The following CCNT1 variants were observed in gnomAD, a reference collection of about 807,000 sequenced individuals.
CCNT1 encodes cyclin-T1.
CCNT1 carries 18 observed loss-of-function variants against 67.3 expected under a neutral mutation model. The ratio of observed to expected loss-of-function variants is 0.27; its 90% confidence interval spans 0.18 to 0.40. CCNT1 has a LOEUF of 0.40. CCNT1 is among the 10% of genes least tolerant of loss of function. CCNT1 has a pLI of 1.00. For synonymous variants in CCNT1, 333 were observed against 310.3 expected (o/e 1.07, Z -0.77); for missense variants, 744 against 884.9 (o/e 0.84, Z 2.02).
Position 48,694,238 on chromosome 12 carries a change from C to T in CCNT1, c.976G>A (p.Val326Met), listed in dbSNP as rs1592117644. 1 of 1,614,222 alleles carries T rather than the reference C, an allele frequency of 6.2e-7. No individual in the cohort carries two copies. ...CAACGCTTGCCCGGCAACATCTCCACACTGGTTAAGTTGCTGGATGACTCT... is the reference window on the plus strand; with the variant it reads ...CAACGCTTGCCCGGCAACATCTCCATACTGGTTAAGTTGCTGGATGACTCT... Reference protein sequence around the residue: ...SEESSSNLTSVEMLPGKRWLS... With the variant: ...SEESSSNLTSMEMLPGKRWLS... The change falls in exon 9 of 9, where the codon GTG (valine) becomes ATG (methionine). Residue 326 changes from valine to methionine, a missense_variant. Transcript: ENST00000261900.
chr12:48,704,409 C>T (rs1448315651), intron 3 of CCNT1, among the ~76,000 whole-genome samples: 3 of 152,228 alleles, frequency 2.0e-5, no homozygotes, highest in Non-Finnish European at 4.4e-5. Context: ...CTGTGGTGAA[C>T]TGCCCATGCA....
chr12:48,715,963 A>C (rs1399480171), intron 1 of CCNT1, among the ~76,000 whole-genome samples: 1 of 152,220 alleles, frequency 6.6e-6, no homozygotes, highest in Non-Finnish European at 1.5e-5. Context: ...ACAGAATCAA[A>C]CACAAGAGGT....
chr12:48,693,311 G>A lies in CCNT1; in HGVS notation c.1903C>T (p.Pro635Ser), dbSNP rs762133213. ...GGCCCTTTATCCAGTTTCGAATGAG[G>A]GACACGAGTTTTACAGCTGGGCTGT... ...FSQPSCKTRV[P>S]HSKLDKGPTG... Residue 635 changes from proline to serine, a missense_variant, in exon 9 of 9, where the codon CCT (proline) becomes TCT (serine). Coordinates refer to ENST00000261900, the MANE Select transcript of CCNT1 (RefSeq NM_001240.4). The A allele has an allele frequency of 1.9e-6, 3 of 1,614,096 alleles. No homozygotes were observed. Among genetic ancestry groups the A allele is most frequent in the East Asian group, 4.5e-5 (2 of 44,892 alleles).
At chr12:48,697,530 AAAAAATATATATATAT>A (rs974118041) in intron 6 of CCNT1, among the ~76,000 whole-genome samples, 4 of 118,514 alleles carry the variant, frequency 3.4e-5, no homozygotes, top group African/African-American at 1.3e-4. Context: ...CTTAAAAAAA[AAAAAATATATATATAT>A]ATATATATAT....
chr12:48,711,288 G>A (rs1482657799), intron 2 of CCNT1, among the ~76,000 whole-genome samples: 1 of 151,872 alleles, frequency 6.6e-6, no homozygotes, highest in African/African-American at 2.4e-5. Context: ...GTTGAGACAG[G>A]AGAATCGCTT....
intron 5 of CCNT1, among the ~76,000 whole-genome samples, chr12:48,698,794 C>T (rs556082189): frequency 6.6e-6 from 1 of 152,140 alleles, no homozygotes; most frequent in South Asian, 2.1e-4. Flanking sequence ...CCCGTCTCTA[C>T]TAAAAATAAA....
chr12:48,701,905 C>CT (rs1479366514), intron 3 of CCNT1, among the ~76,000 whole-genome samples: 15 of 148,524 alleles, frequency 1.0e-4, no homozygotes, highest in East Asian at 6.1e-4. Flanking sequence ...CGCACCCGGC[C>CT]TTTTTTTTTG....
chr12:48,706,474 C>A (rs934234386), intron 2 of CCNT1, among the ~76,000 whole-genome samples: 1 of 152,018 alleles, frequency 6.6e-6, no homozygotes, highest in Non-Finnish European at 1.5e-5. Flanking sequence ...TTATACATAT[C>A]GAACCTTTCA....
chr12:48,702,600 TGG>T (rs1363352585), intron 3 of CCNT1, among the ~76,000 whole-genome samples: 4 of 152,136 alleles, frequency 2.6e-5, no homozygotes, highest in Non-Finnish European at 4.4e-5. Context: ...CTGGCCAATA[TGG>T]TGAAACCCTG....
In CCNT1 at chr12:48,696,054, G is replaced by A. The variant is rs373272971; in HGVS notation, c.651C>T (p.Asp217=). 6.8e-5 allele frequency: 109 copies of A among 1,613,752 alleles called. 1 individual carries two copies. Among genetic ancestry groups the A allele is most frequent in the East Asian group, 6.7e-5 (3 of 44,896 alleles). The part of the protein sequence containing the change: ...WSNWEIPVST[D]GKHWWEYVDA... ...CAACATACTCCCACCAGTGCTTCCC[G>A]TCAGTTGAGACTGGGATCTCCCAAT... The change falls in exon 7 of 9, where the codon GAC becomes GAT. Residue 217 remains aspartate (D), a synonymous_variant. Transcript: ENST00000261900.
intron 6 of CCNT1, among the ~76,000 whole-genome samples, chr12:48,696,946 C>G (rs1940178485): frequency 6.6e-6 from 1 of 152,106 alleles, no homozygotes; most frequent in Non-Finnish European, 1.5e-5. Flanking sequence ...AATTCTCGTG[C>G]CTCAGCCTCC....
intron 1 of CCNT1, among the ~76,000 whole-genome samples, chr12:48,715,665 G>T (rs1280431406): frequency 6.6e-6 from 1 of 152,034 alleles, no homozygotes; most frequent in Admixed American, 6.6e-5. Context: ...GTTTAATCAT[G>T]TTGGCCAGGC....
chr12:48,701,440 A>T (rs770037221), intron 3 of CCNT1, among the ~76,000 whole-genome samples: 1 of 151,212 alleles, frequency 6.6e-6, no homozygotes, highest in Non-Finnish European at 1.5e-5. Context: ...TTCAGTACAC[A>T]TTTTCTTTAA....
intron 3 of CCNT1, among the ~76,000 whole-genome samples, chr12:48,705,044 C>T (rs1940333702): frequency 6.6e-6 from 1 of 152,118 alleles, no homozygotes; most frequent in South Asian, 2.1e-4. Context: ...TAGAATATAT[C>T]TGAGAGATAT....
rs747482436 is a variant in CCNT1, at chr12:48,693,090, G to T, written c.2124C>A (p.Pro708=). 6.2e-7 allele frequency: 1 copy of T among 1,613,942 alleles called. No homozygotes were observed. The highest frequency in any genetic ancestry group is 8.5e-7 in the Non-Finnish European group (1 of 1,179,894). ...GTTCTGATGGCAGAGGTGGTGGCCG[G>T]GGTTTGTCTGTATTGCCAGATCTCG... ...ISSRSGNTDK[P]RPPPLPSEPP... is the part of the protein sequence containing the mutation. Residue 708 remains proline (P), a synonymous_variant, in exon 9 of 9, where the codon CCC becomes CCA. Coordinates refer to ENST00000261900, the MANE Select transcript of CCNT1 (RefSeq NM_001240.4).
intron 2 of CCNT1, among the ~76,000 whole-genome samples, chr12:48,712,896 T>C (rs1305707688): frequency 2.6e-5 from 4 of 151,536 alleles, no homozygotes; most frequent in Non-Finnish European, 5.9e-5. Context: ...GCCAAGATCG[T>C]GCCATTGCAC....
rs1940100847 is a variant in CCNT1 at position 48,693,016 on chromosome 12, CTCT to C, written c.*14_*16del. On this transcript the variant is annotated 3_prime_UTR_variant, in exon 9 of 9. Coordinates refer to ENST00000261900, the MANE Select transcript of CCNT1 (RefSeq NM_001240.4). ...GTTTTTTTAAAGAAGTTTTTTTCTC[CTCT>C]TCTTTTTCTTTTTTTACTTAGGAAG... 2 of 1,476,954 alleles carry C rather than the reference CTCT, an allele frequency of 1.4e-6. No individual in the cohort carries two copies. The highest frequency in any genetic ancestry group is 2.9e-5 in the African/African-American group (2 of 70,072). 91.5% of individuals were successfully genotyped at this position (1,476,954 alleles called of 1,614,324 possible). A position where few individuals can be genotyped will look rare whatever the true frequency, so the allele number is the denominator to read the frequency against.
rs1450022952 is a variant in CCNT1, at chr12:48,690,415, GC to G, written c.*2617del. ...ACACATAGAGCTCAGAAACCACACA[GC>G]CCTTAAAAACCTTAAGTTTATGGAA... On this transcript the variant is annotated 3_prime_UTR_variant, in exon 9 of 9. Coordinates refer to ENST00000261900, the MANE Select transcript of CCNT1 (RefSeq NM_001240.4). 2 of 152,370 alleles carry G rather than the reference GC, an allele frequency of 1.3e-5. No individual in the cohort carries two copies. Among genetic ancestry groups the G allele is most frequent in the Non-Finnish European group, 2.9e-5 (2 of 68,214 alleles). The allele number at this position is 152,370 out of a possible 1,614,324, so 9.4% of individuals were successfully genotyped here.
intron 1 of CCNT1, among the ~76,000 whole-genome samples, chr12:48,715,465 A>AT (rs988988094): frequency 1.1e-4 from 17 of 149,704 alleles, no homozygotes; most frequent in South Asian, 2.1e-4. Flanking sequence ...TTTTTTTTTA[A>AT]TTTTTTTTTT....
Sources: gnomAD v4.1 joint callset for allele counts (sites outside exome capture counted in the v4.1 genomes callset) on GRCh38, gnomAD v4.1.1 for gene constraint, MANE v1.5 for transcripts, NCBI Gene and HGNC (gene_info 2026-07-23, HGNC 2026-07-21) for gene names.